Variants in CEP128 observed in about 807,000 individuals in gnomAD.
CEP128 encodes centrosomal protein 128.
Under a neutral mutation model 156.7 loss-of-function variants are expected in CEP128, and 132 were observed. The ratio of observed to expected loss-of-function variants is 0.84; its 90% CI spans 0.73 to 0.97. The LOEUF is 0.97. Among genes scored for constraint, CEP128 ranks in the 50% least tolerant of loss-of-function variants. The pLI is 0.00. For missense variants in CEP128, 1,252 were observed against 1,281.9 expected (o/e 0.98, Z 0.36); for synonymous variants, 469 against 448.9 (o/e 1.04, Z -0.57).
chr14:80,488,901 A>G (rs111338657), downstream of CEP128, among the ~76,000 whole-genome samples: 8 of 149,128 alleles, frequency 5.4e-5, no homozygotes, highest in Non-Finnish European at 1.2e-4. Flanking sequence ...ACCAAACACC[A>G]CATGTTCTCA....
chr14:80,556,418 C>T (rs1890438626), intron 21 of CEP128, among the ~76,000 whole-genome samples: 1 of 152,064 alleles, frequency 6.6e-6, no homozygotes, highest in East Asian at 1.9e-4. Context: ...TGATTGTCTA[C>T]TATATATCAA....
At chr14:80,800,807 T>A (rs1001119529) in intron 13 of CEP128, among the ~76,000 whole-genome samples, 13 of 152,310 alleles carry the variant, frequency 8.5e-5, no homozygotes, top group Admixed American at 7.8e-4. Flanking sequence ...TAAGTACTGA[T>A]TGGGGTGCAT....
intron 19 of CEP128, among the ~76,000 whole-genome samples, chr14:80,691,029 A>T (rs1463540847): frequency 2.6e-5 from 4 of 152,184 alleles, no homozygotes; most frequent in Non-Finnish European, 5.9e-5. Flanking sequence ...CTACCCTAAA[A>T]GGTATTAAAT....
At chr14:80,491,711 C>T (rs1887331555), downstream of CEP128, among the ~76,000 whole-genome samples, 1 of 152,194 alleles carries the variant, frequency 6.6e-6, no homozygotes, top group Non-Finnish European at 1.5e-5. Context: ...ACCCAAACTG[C>T]TAGCCAGCAG....
At position 80,769,160 on chromosome 14, in the gene CEP128, GA is replaced by G. The variant is rs563694298; in HGVS notation, c.2377-7548del. Reference sequence around the variant, plus strand: ...AACGAACATTGTTTAATTTTCAAAAGAAAAAAATTATCATTCATATTGAGAG... The same window carrying G: ...AACGAACATTGTTTAATTTTCAAAAGAAAAAATTATCATTCATATTGAGAG... On this transcript the variant is annotated intron_variant, in intron 16 of 24. Transcript: ENST00000555265. Among the ~76,000 whole-genome samples, 627 of 149,958 alleles carry G rather than the reference GA, an allele frequency of 4.2e-3. 8 individuals are homozygous for G. The highest frequency in any genetic ancestry group is 0.015 in the African/African-American group (606 of 41,020).
In CEP128 at chr14:80,638,923, T is replaced by TA. The variant is rs34351447; in HGVS notation, c.2807-58501dup. On this transcript the variant is annotated intron_variant, in intron 19 of 24. Transcript: ENST00000555265. The stretch of plus-strand genomic sequence containing the variant: ...TGACTCATTACGAAACCACTTAGGT[T>TA]AAAAAAAGAAGTCTTTTTCTTTCAT... Among the ~76,000 whole-genome samples, 5 of 152,110 alleles carry TA rather than the reference T, an allele frequency of 3.3e-5. No homozygotes were observed. In the East Asian group the frequency reaches 7.7e-4, roughly 23 times the overall value.
At chr14:80,510,751 T>C (rs1056391564) in intron 23 of CEP128, among the ~76,000 whole-genome samples, 3 of 152,034 alleles carry the variant, frequency 2.0e-5, no homozygotes, top group Non-Finnish European at 4.4e-5. Context: ...ATATAACTTT[T>C]ATGGTGTTGA....
At position 80,650,242 on chromosome 14, in the gene CEP128, C is replaced by T. The variant is rs539963048; in HGVS notation, c.2807-69819G>A. ...TGTCTATTATTGGTGTATAGGAATG[C>T]TTGTGCTTTTTGCAAATTGATTTTG... On this transcript the variant is annotated intron_variant, in intron 19 of 24. Transcript: ENST00000555265. Among the ~76,000 whole-genome samples, 11 of 152,172 alleles carry T rather than the reference C, an allele frequency of 7.2e-5. No individual in the cohort carries two copies. The East Asian group carries it at 1.9e-3, about 27-fold the overall frequency.
chr14:80,590,972 C>G (rs1892033600), intron 19 of CEP128, among the ~76,000 whole-genome samples: 1 of 152,140 alleles, frequency 6.6e-6, no homozygotes. Context: ...GATTCTGTCA[C>G]CACCGGGCCA....
intron 2 of CEP128, among the ~76,000 whole-genome samples, chr14:80,935,210 C>T (rs114756836): frequency 5.4e-4 from 82 of 152,156 alleles, no homozygotes; most frequent in African/African-American, 1.7e-3. Context: ...AACAGGTATA[C>T]CAATGAGTAA....
chr14:80,770,152 G>A (rs1900443382), intron 16 of CEP128, among the ~76,000 whole-genome samples: 1 of 152,206 alleles, frequency 6.6e-6, no homozygotes, highest in Non-Finnish European at 1.5e-5. Flanking sequence ...GGATTTAATA[G>A]CAGGCCTCTC....
At chr14:80,729,900 C>A (rs950994388) in intron 19 of CEP128, among the ~76,000 whole-genome samples, 1 of 152,188 alleles carries the variant, frequency 6.6e-6, no homozygotes, top group African/African-American at 2.4e-5. Flanking sequence ...TCAGAAGACA[C>A]AGTACATACT....
At chr14:80,865,456 G>A (rs1887723259) in intron 8 of CEP128, among the ~76,000 whole-genome samples, 1 of 152,038 alleles carries the variant, frequency 6.6e-6, no homozygotes, top group African/African-American at 2.4e-5. Flanking sequence ...TCCAGAAGTG[G>A]GACTGCTGGA....
intron 19 of CEP128, among the ~76,000 whole-genome samples, chr14:80,668,260 G>C (rs953326514): frequency 6.6e-6 from 1 of 152,136 alleles, no homozygotes; most frequent in Non-Finnish European, 1.5e-5. Flanking sequence ...GATTCCACCA[G>C]AGCCTGTAAA....
At chr14:80,768,454 G>T (rs558947179) in intron 16 of CEP128, among the ~76,000 whole-genome samples, 21 of 152,094 alleles carry the variant, frequency 1.4e-4, no homozygotes, top group Non-Finnish European at 2.6e-4. Flanking sequence ...TCTACTCTAA[G>T]ATTGGTTTCT....
At position 80,846,982 on chromosome 14, in the gene CEP128, A is replaced by G. The variant is rs530761381; in HGVS notation, c.763-6214T>C. Reference sequence around the variant, plus strand: ...AGCCAACTATTTCCCAATACCAGAAAGATAATATAGCTTGTAGAGACTGTC... The same window carrying G: ...AGCCAACTATTTCCCAATACCAGAAGGATAATATAGCTTGTAGAGACTGTC... On this transcript the variant is annotated intron_variant, in intron 9 of 24. Coordinates refer to ENST00000555265, the MANE Select transcript of CEP128 (RefSeq NM_152446.5). Among the ~76,000 whole-genome samples the G allele has an allele frequency of 3.9e-5, 6 of 152,298 alleles. No individual in the cohort carries two copies. In the East Asian group the frequency reaches 1.2e-3, roughly 29 times the overall value.
chr14:80,673,645 CAAAAAAAAAAAAAAA>C (rs4016509), intron 19 of CEP128, among the ~76,000 whole-genome samples: 194 of 43,964 alleles, frequency 4.4e-3, no homozygotes, highest in South Asian at 0.037. Context: ...GACTCCGTCT[CAAAAAAAAAAAAAAA>C]AAAAAAAAAA....
intron 8 of CEP128, among the ~76,000 whole-genome samples, chr14:80,875,804 C>T (rs1433653110): frequency 6.6e-6 from 1 of 152,030 alleles, no homozygotes; most frequent in East Asian, 1.9e-4. Flanking sequence ...AAAATATGTT[C>T]TTAAGGTAGA....
In CEP128 at chr14:80,832,121, C is replaced by T. The variant is rs145220791; in HGVS notation, c.1058-827G>A. Among the ~76,000 whole-genome samples, 209 of 152,296 alleles carry T rather than the reference C, an allele frequency of 1.4e-3. 2 individuals carry two copies. The highest frequency in any genetic ancestry group is 4.5e-3 in the African/African-American group (187 of 41,560). On this transcript the variant is annotated intron_variant, in intron 12 of 24. Transcript: ENST00000555265. ...ACACAAGCTCTATTCCCTGCCACCA[C>T]GTAAGACATGCCTTTGCTTTTCCTT... is the stretch of plus-strand genomic sequence containing the variant.
Sources: gnomAD v4.1 joint callset for allele counts (sites outside exome capture counted in the v4.1 genomes callset) on GRCh38, gnomAD v4.1.1 for gene constraint, MANE v1.5 for transcripts, NCBI Gene and HGNC (gene_info 2026-07-23, HGNC 2026-07-21) for gene names.